BICRA: variants seen among roughly 807,000 people sequenced by gnomAD.
BICRA encodes BRD4-interacting chromatin-remodeling complex-associated protein.
A neutral mutation model predicts 96.9 loss-of-function variants in BICRA; 31 were observed. The observed-to-expected ratio is 0.32, with a 90% CI of 0.24 to 0.43. BICRA has a LOEUF of 0.43. Among genes scored for constraint, BICRA ranks in the 20% least tolerant of loss-of-function variants. BICRA has a pLI of 1.00. For synonymous variants in BICRA, 1,350 were observed against 1,071.8 expected, an observed-to-expected ratio of 1.26 and a Z score of -5.07; for missense variants, 2,283 against 2,190.3, an observed-to-expected ratio of 1.04 and a Z score of -0.84.
intron 7 of BICRA, among the ~76,000 whole-genome samples, chr19:47,688,493 A>C (rs893141479): frequency 1.3e-5 from 2 of 152,128 alleles, no homozygotes; most frequent in Non-Finnish European, 2.9e-5. Flanking sequence ...GCAGTTGGTA[A>C]AAAAAAATTT....
intron 5 of BICRA, 131 bp downstream of exon 5, chr19:47,676,047 C>A: frequency 1.7e-6 from 1 of 603,826 alleles, no homozygotes. Context: ...GGGGGTGGGC[C>A]ACCCAGGGTG....
intron 5 of BICRA, among the ~76,000 whole-genome samples, chr19:47,677,027 C>A (rs1037592982): frequency 2.0e-5 from 3 of 152,106 alleles, no homozygotes; most frequent in Non-Finnish European, 2.9e-5. Context: ...TGAGCCAGAG[C>A]CCTGTCTGCC....
chr19:47,628,631 G>A (rs182219567), intron 1 of BICRA, among the ~76,000 whole-genome samples: 1 of 152,074 alleles, frequency 6.6e-6, no homozygotes, highest in African/African-American at 2.4e-5. Context: ...GGGGCTCATG[G>A]TCTCTCTCTG....
At position 47,696,469 on chromosome 19, in the gene BICRA, G is replaced by A; in HGVS notation, c.3205G>A (p.Gly1069Ser). ...CTCCCAGTATGAGAGCAAACTGAGTGGCCTGAAGAAGCCCCCCACGCTTCA... is the reference window on the plus strand; with the variant it reads ...CTCCCAGTATGAGAGCAAACTGAGTAGCCTGAAGAAGCCCCCCACGCTTCA... ...SGLQYESKLSGLKKPPTLQPS... is the reference protein window; with the variant it reads ...SGLQYESKLSSLKKPPTLQPS... Residue 1069 changes from glycine to serine, a missense_variant, in exon 11 of 15, where the codon GGC becomes AGC. By Grantham distance (56) the Gly-to-Ser change is moderately conservative. Coordinates refer to ENST00000594866, the MANE Select transcript of BICRA (RefSeq NM_001394372.1). 6.2e-7 allele frequency: 1 copy of A among 1,603,458 alleles called. No individual in the cohort carries two copies. The highest frequency in any genetic ancestry group is 8.5e-7 in the Non-Finnish European group (1 of 1,175,194).
chr19:47,701,545 T>TTCCTCCTCC lies in BICRA; in HGVS notation c.3819_3827dup (p.Ser1274_Ser1276dup). Reference sequence around the variant, plus strand: ...GGGCGTCCTCCTCCCTGTCCTCCTCTTCCTCCTCCTCCTCTGCCGCCTCCT... The same window carrying TTCCTCCTCC: ...GGGCGTCCTCCTCCCTGTCCTCCTCTTCCTCCTCCTCCTCCTCCTCCTCTGCCGCCTCCT... On this transcript the variant is annotated inframe_insertion, in exon 15 of 15. Coordinates refer to ENST00000594866, the MANE Select transcript of BICRA (RefSeq NM_001394372.1). The surrounding 1 kb of genome is among the most constrained non-coding windows in gnomAD (Gnocchi z 5.4). The TTCCTCCTCC allele has an allele frequency of 1.9e-6, 3 of 1,548,390 alleles. No individual in the cohort carries two copies. Among genetic ancestry groups the TTCCTCCTCC allele is most frequent in the Non-Finnish European group, 2.6e-6 (3 of 1,146,244 alleles).
chr19:47,612,769 A>C (rs973292205), intron 1 of BICRA, among the ~76,000 whole-genome samples: 3 of 152,160 alleles, frequency 2.0e-5, no homozygotes, highest in African/African-American at 7.2e-5. Flanking sequence ...CTGGGACTCC[A>C]AGCCAGACGG....
At chr19:47,682,488 C>T (rs1973080477) in intron 7 of BICRA, among the ~76,000 whole-genome samples, 1 of 152,200 alleles carries the variant, frequency 6.6e-6, no homozygotes, top group Non-Finnish European at 1.5e-5. Context: ...AAGCCCCCGT[C>T]TCCTGAACCG....
At chr19:47,638,613 T>A (rs79288576) in intron 1 of BICRA, among the ~76,000 whole-genome samples, 1 of 149,830 alleles carries the variant, frequency 6.7e-6, no homozygotes, top group Non-Finnish European at 1.5e-5. Context: ...TCTCTCTCTG[T>A]CACACACACA....
intron 7 of BICRA, among the ~76,000 whole-genome samples, chr19:47,684,063 C>G (rs527542054): frequency 1.3e-5 from 2 of 152,320 alleles, no homozygotes; most frequent in South Asian, 4.1e-4. Context: ...CCTTCAGCAA[C>G]CAGTTTTTCA....
At chr19:47,613,346 T>C (rs1032109223) in intron 1 of BICRA, among the ~76,000 whole-genome samples, 9 of 152,148 alleles carry the variant, frequency 5.9e-5, no homozygotes, top group Non-Finnish European at 1.0e-4. Flanking sequence ...TGCAGAAGGC[T>C]GCTGGTAGGG....
chr19:47,683,816 C>T (rs1351877752), intron 7 of BICRA, among the ~76,000 whole-genome samples: 2 of 152,148 alleles, frequency 1.3e-5, no homozygotes, highest in African/African-American at 2.4e-5. Flanking sequence ...GATCTCCTGA[C>T]CTCGTTATCC....
chr19:47,647,903 G>A (rs886916926), intron 1 of BICRA, among the ~76,000 whole-genome samples: 1 of 151,732 alleles, frequency 6.6e-6, no homozygotes. Flanking sequence ...GGGGGGAGTG[G>A]GGGGCCGTTT....
chr19:47,628,550 A>G (rs1294898730), intron 1 of BICRA, among the ~76,000 whole-genome samples: 1 of 152,218 alleles, frequency 6.6e-6, no homozygotes, highest in Non-Finnish European at 1.5e-5. Flanking sequence ...AAAAAGTCAT[A>G]TAACACGACG....
At chr19:47,646,669 T>C (rs947234595) in intron 1 of BICRA, among the ~76,000 whole-genome samples, 8 of 152,152 alleles carry the variant, frequency 5.3e-5, no homozygotes, top group Admixed American at 2.0e-4. Flanking sequence ...GAAATGGAAA[T>C]TGAGACACAG....
chr19:47,688,979 C>T (rs1049319544), intron 7 of BICRA, among the ~76,000 whole-genome samples: 16 of 151,888 alleles, frequency 1.1e-4, no homozygotes, highest in African/African-American at 3.4e-4. Context: ...AGGCACATGC[C>T]AGCAAGCCCG....
At chr19:47,661,104 C>T (rs1599829130) in intron 1 of BICRA, among the ~76,000 whole-genome samples, 2 of 149,980 alleles carry the variant, frequency 1.3e-5, no homozygotes, top group African/African-American at 4.9e-5. Context: ...GTGCCAGCTA[C>T]TCAGGAGGCT....
In BICRA at chr19:47,701,302, G is replaced by C. The variant is rs774095600; in HGVS notation, c.3596-26G>C. ...CGGGGGGTCCTCATCCTAACCCCGCGGGTTTTCTTTGCCCCGATTCTGCAG... is the reference window on the plus strand; with the variant it reads ...CGGGGGGTCCTCATCCTAACCCCGCCGGTTTTCTTTGCCCCGATTCTGCAG... On this transcript the variant is annotated intron_variant, in intron 14 of 14. Transcript: ENST00000594866. This position sits in a 1 kb window ranked among gnomAD's most constrained non-coding sequence, Gnocchi z 5.4. 6.3e-7 allele frequency: 1 copy of C among 1,581,080 alleles called. No individual in the cohort carries two copies. Among genetic ancestry groups the C allele is most frequent in the Non-Finnish European group, 8.6e-7 (1 of 1,156,596 alleles).
Position 47,679,794 on chromosome 19 carries a change from G to A in BICRA, c.624G>A (p.Leu208=). The change falls in exon 6 of 15, where the codon CTG becomes CTA. Residue 208 remains leucine (L), a synonymous_variant. Coordinates refer to ENST00000594866, the MANE Select transcript of BICRA (RefSeq NM_001394372.1). ...LQPVGLGNVT[L]QPIPGLQGLP... ...CTGTGGGCCTGGGCAATGTGACACT[G>A]CAGCCCATCCCGGGCCTCCAAGGCC... The A allele has an allele frequency of 6.7e-7, 1 of 1,492,256 alleles. No individual in the cohort carries two copies. The highest frequency in any genetic ancestry group is 1.3e-5 in the South Asian group (1 of 76,266). The allele number at this position is 1,492,256 out of a possible 1,614,324, so 92.4% of individuals were successfully genotyped here.
chr19:47,635,128 T>C (rs1056356005), intron 1 of BICRA, among the ~76,000 whole-genome samples: 2 of 152,210 alleles, frequency 1.3e-5, no homozygotes, highest in African/African-American at 2.4e-5. Flanking sequence ...GCTGCTGTTA[T>C]TATAATTTTA....
Sources: allele counts gnomAD v4.1 joint callset (sites outside exome capture counted in the v4.1 genomes callset), GRCh38; gene constraint gnomAD v4.1.1; non-coding constraint Gnocchi (gnomAD v3.1); transcripts MANE v1.5; gene names NCBI Gene and HGNC (gene_info 2026-07-23, HGNC 2026-07-21).